CHST11: variants seen among roughly 807,000 people sequenced by gnomAD.
CHST11 encodes the protein C4S-1.
In CHST11, 9 loss-of-function variants were observed where a neutral mutation model predicts 30.4. The observed-to-expected ratio is 0.30, with a 90% CI of 0.18 to 0.52. CHST11 has a LOEUF of 0.52. Ranked by LOEUF, CHST11 falls within the 20% of genes least tolerant of loss-of-function variation. The probability of loss-of-function intolerance (pLI) is 0.97; values close to 1 mark genes in which losing one functional copy is unlikely to be tolerated. For synonymous variants in CHST11, 152 were observed against 187.8 expected (o/e 0.81, Z 1.56); for missense variants, 348 against 460.6 (o/e 0.76, Z 2.24).
chr12:104,674,691 C>T (rs1400124085), intron 2 of CHST11, among the ~76,000 whole-genome samples: 1 of 152,076 alleles, frequency 6.6e-6, no homozygotes, highest in Non-Finnish European at 1.5e-5. Context: ...GAATCTCAGT[C>T]AGTCTTTGCT....
At position 104,624,945 on chromosome 12, in the gene CHST11, G is replaced by A. The variant is rs144117296; in HGVS notation, c.204+22954G>A. On this transcript the variant is annotated intron_variant, in intron 2 of 2. Coordinates refer to ENST00000303694, the MANE Select transcript of CHST11 (RefSeq NM_018413.6). ...CTGGTTTCTCTTCTTATAAGGACACGGTCATTCTGGGTTAGGGTCCCGCCT... is the reference window on the plus strand; with the variant it reads ...CTGGTTTCTCTTCTTATAAGGACACAGTCATTCTGGGTTAGGGTCCCGCCT... 3.0e-3 allele frequency among the ~76,000 whole-genome samples: 453 copies of A among 152,284 alleles called. 4 individuals carry two copies. Among genetic ancestry groups the A allele is most frequent in the African/African-American group, 0.01 (416 of 41,554 alleles).
chr12:104,488,459 A>G (rs568480834), intron 1 of CHST11, among the ~76,000 whole-genome samples: 3 of 148,882 alleles, frequency 2.0e-5, no homozygotes, highest in African/African-American at 7.5e-5. Flanking sequence ...GTGTATATGC[A>G]TGTATGTGTG....
intron 2 of CHST11, among the ~76,000 whole-genome samples, chr12:104,627,773 A>C (rs1039718918): frequency 3.6e-5 from 5 of 137,882 alleles, no homozygotes; most frequent in African/African-American, 1.0e-4. Context: ...TCTCAGCATA[A>C]AGTCAGATGA....
intron 2 of CHST11, among the ~76,000 whole-genome samples, chr12:104,720,061 A>G (rs2040161560): frequency 6.6e-6 from 1 of 152,210 alleles, no homozygotes; most frequent in South Asian, 2.1e-4. Context: ...GGGCTTGTAA[A>G]CATGTTGCTT....
intron 2 of CHST11, among the ~76,000 whole-genome samples, chr12:104,706,921 G>A (rs2040040691): frequency 1.3e-5 from 2 of 152,148 alleles, no homozygotes; most frequent in Admixed American, 6.5e-5. Flanking sequence ...AGGAGGATGG[G>A]ATCACAGCGA....
intron 2 of CHST11, among the ~76,000 whole-genome samples, chr12:104,613,174 C>T (rs1196978674): frequency 6.7e-6 from 1 of 149,870 alleles, no homozygotes; most frequent in Non-Finnish European, 1.5e-5. Context: ...TGCCACTGCT[C>T]CCCAGCTTGG....
At chr12:104,536,738 A>G (rs2038240630) in intron 1 of CHST11, among the ~76,000 whole-genome samples, 1 of 152,234 alleles carries the variant, frequency 6.6e-6, no homozygotes, top group South Asian at 2.1e-4. Flanking sequence ...AGCGAGGCAG[A>G]TAGAAGATGG....
chr12:104,669,533 A>G (rs2039671578), intron 2 of CHST11, among the ~76,000 whole-genome samples: 1 of 152,158 alleles, frequency 6.6e-6, no homozygotes, highest in South Asian at 2.1e-4. Flanking sequence ...TTGTTCATTC[A>G]TAAACGTTAA....
At chr12:104,540,197 T>A (rs1403573659) in intron 1 of CHST11, among the ~76,000 whole-genome samples, 2 of 152,184 alleles carry the variant, frequency 1.3e-5, no homozygotes, top group African/African-American at 2.4e-5. Flanking sequence ...AACCCATGAG[T>A]GTGGAACCCA....
At chr12:104,541,333 T>C (rs1454123311) in intron 1 of CHST11, among the ~76,000 whole-genome samples, 1 of 152,208 alleles carries the variant, frequency 6.6e-6, no homozygotes, top group East Asian at 1.9e-4. Flanking sequence ...AATGACAGTC[T>C]GGCTTGACAT....
intron 2 of CHST11, among the ~76,000 whole-genome samples, chr12:104,682,774 G>A (rs1045463554): frequency 1.3e-5 from 2 of 152,218 alleles, no homozygotes; most frequent in Non-Finnish European, 1.5e-5. Flanking sequence ...CTGCCCCATG[G>A]CAACCGATGT....
intron 2 of CHST11, among the ~76,000 whole-genome samples, chr12:104,742,431 C>T (rs1247155087): frequency 6.6e-6 from 1 of 152,144 alleles, no homozygotes; most frequent in East Asian, 1.9e-4. Flanking sequence ...TCCTCCTCCC[C>T]TACTCCTGCC....
chr12:104,506,542 A>G (rs969224360), intron 1 of CHST11, among the ~76,000 whole-genome samples: 9 of 152,192 alleles, frequency 5.9e-5, no homozygotes, highest in African/African-American at 2.2e-4. Context: ...GGTCCCCCTC[A>G]GATAGTCGAT....
intron 1 of CHST11, among the ~76,000 whole-genome samples, chr12:104,491,334 A>T (rs1041426153): frequency 6.6e-6 from 1 of 152,218 alleles, no homozygotes; most frequent in African/African-American, 2.4e-5. Context: ...GCAAGAGTGT[A>T]TAAGTAAAAT....
intron 2 of CHST11, among the ~76,000 whole-genome samples, chr12:104,620,396 A>G (rs1051321122): frequency 6.6e-6 from 1 of 152,238 alleles, no homozygotes; most frequent in Non-Finnish European, 1.5e-5. Flanking sequence ...ATTCACGGTC[A>G]TGGGGGAAAG....
intron 1 of CHST11, among the ~76,000 whole-genome samples, chr12:104,574,858 T>A (rs834724): frequency 0.81 from 119,434 of 147,930 alleles, 47,976 homozygotes; most frequent in East Asian, 0.97. Flanking sequence ...AAAGTATAAT[T>A]AAAAAAAAAG....
intron 2 of CHST11, among the ~76,000 whole-genome samples, chr12:104,612,273 A>G (rs1157888516): frequency 6.6e-6 from 1 of 152,050 alleles, no homozygotes; most frequent in Non-Finnish European, 1.5e-5. Context: ...TCAAGGAGCC[A>G]GCAGGATTGG....
chr12:104,546,404 G>A (rs1681695600), intron 1 of CHST11, among the ~76,000 whole-genome samples: 1 of 150,708 alleles, frequency 6.6e-6, no homozygotes, highest in Admixed American at 6.6e-5. Flanking sequence ...GGAGCTCAAG[G>A]TTGCAGTGAG....
chr12:104,507,429 G>A (rs1001713267), intron 1 of CHST11, among the ~76,000 whole-genome samples: 1 of 152,138 alleles, frequency 6.6e-6, no homozygotes, highest in Non-Finnish European at 1.5e-5. Context: ...CTTTGGCACC[G>A]CTGCCTGCTT....
Sources: gnomAD v4.1 joint callset for allele counts (sites outside exome capture counted in the v4.1 genomes callset) on GRCh38, gnomAD v4.1.1 for gene constraint, MANE v1.5 for transcripts, NCBI Gene and HGNC (gene_info 2026-07-23, HGNC 2026-07-21) for gene names.